Variants in TOGARAM1 observed in about 807,000 individuals in gnomAD.
TOGARAM1 encodes the protein TOG array regulator of axonemal microtubules protein 1.
TOGARAM1 carries 100 observed loss-of-function variants against 166.6 expected under a neutral mutation model. That is an observed-to-expected ratio of 0.60 (90% CI 0.51 to 0.71). TOGARAM1 has a LOEUF of 0.71. Ranked by LOEUF, TOGARAM1 falls within the 30% of genes least tolerant of loss-of-function variation. The pLI, the probability that TOGARAM1 is intolerant of heterozygous loss-of-function variation, is 0.00. For missense variants in TOGARAM1, 2,029 were observed against 2,102.7 expected (o/e 0.96, Z 0.69); for synonymous variants, 758 against 763.8 (o/e 0.99, Z 0.13).
intron 4 of TOGARAM1, 38 bp from the exon 5 acceptor site, chr14:45,005,970 T>C (rs750738598): frequency 3.3e-6 from 5 of 1,507,366 alleles, no homozygotes; most frequent in South Asian, 2.7e-5. Context: ...TCTCTAAAAT[T>C]AGAAAAAGAA....
intron 7 of TOGARAM1, among the ~76,000 whole-genome samples, chr14:45,024,988 G>C (rs931282867): frequency 6.6e-6 from 1 of 151,860 alleles, no homozygotes; most frequent in Non-Finnish European, 1.5e-5. Context: ...TGGAATACCT[G>C]GTATGTGCCA....
chr14:45,032,500 G>C, intron 11 of TOGARAM1, 124 bp downstream of exon 11: 1 of 994,344 alleles, frequency 1.0e-6, no homozygotes, highest in East Asian at 2.7e-5. Flanking sequence ...TTAGTTCTTA[G>C]GCATCAGAGT....
chr14:44,999,395 G>C lies in TOGARAM1; in HGVS notation c.2236G>C (p.Gly746Arg), dbSNP rs774886124. 2 of 1,609,440 alleles carry C rather than the reference G, an allele frequency of 1.2e-6. No homozygotes were observed. The change falls in exon 3 of 20, where the codon GGG (glycine) becomes CGG (arginine). Residue 746 changes from glycine (G) to arginine (R), a missense_variant. This residue lies in a region of TOGARAM1 where 1,453 missense variants were observed against 1,432.2 expected (regional missense o/e 1.01). Coordinates refer to ENST00000361462, the MANE Select transcript of TOGARAM1 (RefSeq NM_001308120.2). ...TTGTHQTNLS[G>R]KCAQLGFSQI... is the part of the protein sequence containing the mutation. ...TGGGACTCATCAAACAAATCTTTCTGGGAAATGTGCACAACTTGGATTTTC... is the reference window on the plus strand; with the variant it reads ...TGGGACTCATCAAACAAATCTTTCTCGGAAATGTGCACAACTTGGATTTTC...
Position 45,025,812 on chromosome 14 carries a change from A to G in TOGARAM1, c.3268A>G (p.Ser1090Gly), listed in dbSNP as rs1013845661. The change falls in exon 8 of 20, where the codon AGT becomes GGT. Residue 1090 changes from serine to glycine, a missense_variant. Ser to Gly is a moderately conservative substitution (Grantham distance 56, BLOSUM62 0). Around this residue, in one of 2 missense-constraint regions of TOGARAM1, gnomAD observed 1,453 missense variants for 1,432.2 expected, o/e 1.01. Transcript: ENST00000361462. ...GSSSNPQQIS[S>G]FDFTTTKALS... ...ATCATCAAATCCACAGCAAATTTCC[A>G]GTTTTGACTTCACAACCACAAAGGC... The G allele has an allele frequency of 5.6e-5, 90 of 1,609,736 alleles. 1 individual carries two copies. Among genetic ancestry groups the G allele is most frequent in the Non-Finnish European group, 7.5e-5 (88 of 1,177,046 alleles).
rs370437319 is a variant in TOGARAM1, at chr14:44,963,195, A to T, written c.774A>T (p.Ile258=). 20 of 1,614,044 alleles carry T rather than the reference A, an allele frequency of 1.2e-5. No individual in the cohort carries two copies. The highest frequency in any genetic ancestry group is 5.0e-5 in the Admixed American group (3 of 60,004). The change falls in exon 1 of 20, where the codon ATA becomes ATT. Residue 258 remains isoleucine (I), a synonymous_variant. Transcript: ENST00000361462. ...LLGLDLTEVI[I]SLARKLGDQE... ...GTCTGGATCTCACCGAGGTGATAATATCCCTAGCCCGAAAGCTTGGTGATC... is the reference window on the plus strand; with the variant it reads ...GTCTGGATCTCACCGAGGTGATAATTTCCCTAGCCCGAAAGCTTGGTGATC...
At chr14:45,067,006 T>C (rs1883169284) in intron 17 of TOGARAM1, among the ~76,000 whole-genome samples, 3 of 152,188 alleles carry the variant, frequency 2.0e-5, no homozygotes, top group African/African-American at 7.2e-5. Context: ...ATCTTAGTGT[T>C]TTATATACCT....
chr14:44,980,415 G>T (rs80189005), intron 1 of TOGARAM1, among the ~76,000 whole-genome samples: 5,488 of 152,246 alleles, frequency 0.036, 114 homozygotes, highest in Non-Finnish European at 0.052. Context: ...ACTTGTAATT[G>T]CACCACTTTG....
chr14:44,972,725 C>T (rs1885952694), intron 1 of TOGARAM1, among the ~76,000 whole-genome samples: 1 of 152,034 alleles, frequency 6.6e-6, no homozygotes, highest in South Asian at 2.1e-4. Flanking sequence ...GTGTACCTTT[C>T]TCCATCTCTT....
chr14:45,036,181 G>C lies in TOGARAM1; in HGVS notation c.3812+3805G>C, dbSNP rs567594036. Among the ~76,000 whole-genome samples, 3 of 142,300 alleles carry C rather than the reference G, an allele frequency of 2.1e-5. No homozygotes were observed. The East Asian group carries it at 6.2e-4, about 29-fold the overall frequency. 93.4% of individuals were successfully genotyped at this position (142,300 alleles called of 152,430 possible). A position where few individuals can be genotyped will look rare whatever the true frequency, so the allele number is the denominator to read the frequency against. On this transcript the variant is annotated intron_variant, in intron 11 of 19. Transcript: ENST00000361462. ...AAGTTTTAAAAGAAGCAAAATGTCT[G>C]ACAGTTTGATACAAAGGCCCAAAGG...
intron 1 of TOGARAM1, among the ~76,000 whole-genome samples, chr14:44,984,101 A>G (rs1886667445): frequency 6.6e-6 from 1 of 152,186 alleles, no homozygotes; most frequent in Non-Finnish European, 1.5e-5. Flanking sequence ...AGTTTATAGG[A>G]CAAAACTTGT....
At chr14:45,020,447 G>A in intron 7 of TOGARAM1, among the ~76,000 whole-genome samples, 1 of 152,216 alleles carries the variant, frequency 6.6e-6, no homozygotes, top group South Asian at 2.1e-4. Flanking sequence ...TAGTTCTTGA[G>A]ATAGTTTGTA....
chr14:45,014,131 C>G (rs991566272), intron 7 of TOGARAM1, among the ~76,000 whole-genome samples: 1 of 150,748 alleles, frequency 6.6e-6, no homozygotes, highest in Non-Finnish European at 1.5e-5. Context: ...CTGCAAGCTC[C>G]GCCTCCCAGG....
chr14:44,963,769 G>A lies in TOGARAM1; in HGVS notation c.1348G>A (p.Val450Met), dbSNP rs542685317. The part of the protein sequence containing the change: ...SVKVLADNKL[V>M]IKQEYMKIFL... The stretch of plus-strand genomic sequence containing the variant: ...CAAAGTGCTGGCGGACAACAAGTTG[G>A]TGATCAAACAAGAATACATGAAAAT... The change falls in exon 1 of 20, where the codon GTG becomes ATG. Residue 450 changes from valine to methionine, a missense_variant. This residue lies in a region of TOGARAM1 where 1,453 missense variants were observed against 1,432.2 expected (regional missense o/e 1.01). Coordinates refer to ENST00000361462, the MANE Select transcript of TOGARAM1 (RefSeq NM_001308120.2). 1.1e-4 allele frequency: 175 copies of A among 1,613,924 alleles called. 2 individuals are homozygous for A. The South Asian group carries it at 1.4e-3, about 13-fold the overall frequency.
intron 1 of TOGARAM1, among the ~76,000 whole-genome samples, chr14:44,966,991 G>C (rs1246273460): frequency 6.6e-6 from 1 of 151,984 alleles, no homozygotes; most frequent in Non-Finnish European, 1.5e-5. Context: ...GTAACATGAT[G>C]CCTAGCCTTA....
chr14:44,969,530 A>G (rs897721329), intron 1 of TOGARAM1, among the ~76,000 whole-genome samples: 1 of 152,126 alleles, frequency 6.6e-6, no homozygotes, highest in Non-Finnish European at 1.5e-5. Context: ...ACTTTCTCAG[A>G]GCAGAAGTTT....
intron 19 of TOGARAM1, among the ~76,000 whole-genome samples, chr14:45,073,040 G>A (rs950781688): frequency 1.6e-4 from 25 of 152,090 alleles, no homozygotes; most frequent in Non-Finnish European, 3.4e-4. Context: ...GGAAAACATC[G>A]AGATGAATTT....
intron 7 of TOGARAM1, among the ~76,000 whole-genome samples, chr14:45,014,021 G>C (rs1402735662): frequency 1.3e-5 from 2 of 149,838 alleles, no homozygotes; most frequent in Non-Finnish European, 3.0e-5. Context: ...GCAATATTTA[G>C]TGTTTTCCAA....
Position 45,028,309 on chromosome 14 carries a change from C to T in TOGARAM1, c.3638C>T (p.Thr1213Ile), listed in dbSNP as rs1880976208. The part of the protein sequence containing the change: ...NSWERMRHTG[T>I]EKMASESETP... Reference sequence around the variant, plus strand: ...TGGGAACGAATGAGACATACAGGAACTGAGAAAATGGCATCTGAAAGTAAG... The same window carrying T: ...TGGGAACGAATGAGACATACAGGAATTGAGAAAATGGCATCTGAAAGTAAG... The change falls in exon 10 of 20, where the codon ACT becomes ATT. Residue 1213 changes from threonine to isoleucine, a missense_variant. Around this residue, in one of 2 missense-constraint regions of TOGARAM1, gnomAD observed 576 missense variants for 670.5 expected, o/e 0.86. Transcript: ENST00000361462. 1 of 1,584,350 alleles carries T rather than the reference C, an allele frequency of 6.3e-7. No homozygotes were observed. Among genetic ancestry groups the T allele is most frequent in the African/African-American group, 1.4e-5 (1 of 72,432 alleles).
At chr14:45,011,778 AAT>A (rs754565793) in intron 6 of TOGARAM1, 195 bp from the exon 7 acceptor site, 594 of 402,152 alleles carry the variant, frequency 1.5e-3, no homozygotes, top group Admixed American at 2.2e-3. Flanking sequence ...AGAATAGCAA[AAT>A]ATATATGTGT....
Sources: gnomAD v4.1 joint callset for allele counts (sites outside exome capture counted in the v4.1 genomes callset) on GRCh38, gnomAD v4.1.1 for gene constraint, gnomAD v4.1.1 regional missense constraint, MANE v1.5 for transcripts, NCBI Gene and HGNC (gene_info 2026-07-23, HGNC 2026-07-21) for gene names.